Variants in ADRA1A observed in about 807,000 individuals in gnomAD.
ADRA1A encodes the protein adrenoceptor alpha 1A.
ADRA1A carries 31 observed loss-of-function variants against 29.6 expected under a neutral mutation model. The ratio of observed to expected loss-of-function variants is 1.05; its 90% CI spans 0.79 to 1.41. ADRA1A has a LOEUF of 1.41. Ranked by LOEUF, ADRA1A falls within the 40% of genes most tolerant of loss-of-function variation. ADRA1A has a pLI of 0.00. For synonymous variants in ADRA1A, 311 were observed against 254.3 expected, an observed-to-expected ratio of 1.22 and a Z score of -2.12; for missense variants, 619 against 601.1, an observed-to-expected ratio of 1.03 and a Z score of -0.31.
At chr8:26,807,671 C>T (rs1445580651) in intron 2 of ADRA1A, among the ~76,000 whole-genome samples, 4 of 152,066 alleles carry the variant, frequency 2.6e-5, no homozygotes, top group African/African-American at 9.7e-5. Flanking sequence ...TAATGGAAAA[C>T]ATTGGGAAGG....
At chr8:26,824,928 T>G (rs903087621) in intron 2 of ADRA1A, among the ~76,000 whole-genome samples, 2 of 152,230 alleles carry the variant, frequency 1.3e-5, no homozygotes, top group Non-Finnish European at 2.9e-5. Context: ...TGTCTGCCTC[T>G]TAATCATCTG....
At chr8:26,826,673 G>A (rs1038441876) in intron 2 of ADRA1A, among the ~76,000 whole-genome samples, 4 of 152,228 alleles carry the variant, frequency 2.6e-5, no homozygotes, top group East Asian at 1.9e-4. Context: ...TCCAGCATGT[G>A]CCACCTTGCT....
At chr8:26,812,743 C>A (rs951034880) in intron 2 of ADRA1A, among the ~76,000 whole-genome samples, 1 of 151,868 alleles carries the variant, frequency 6.6e-6, no homozygotes, top group East Asian at 1.9e-4. Flanking sequence ...CGGCTCACTG[C>A]AAGCTCCGCC....
At chr8:26,800,015 G>GT (rs1470371750) in intron 2 of ADRA1A, among the ~76,000 whole-genome samples, 1 of 152,024 alleles carries the variant, frequency 6.6e-6, no homozygotes, top group Non-Finnish European at 1.5e-5. Flanking sequence ...TCCCAGCACT[G>GT]TGGGAGGCTG....
At chr8:26,753,310 A>G (rs1041653915), downstream of ADRA1A, among the ~76,000 whole-genome samples, 3 of 151,962 alleles carry the variant, frequency 2.0e-5, no homozygotes, top group Non-Finnish European at 4.4e-5. Flanking sequence ...GACTTCTAAT[A>G]CCACCTTCCC....
intron 2 of ADRA1A, among the ~76,000 whole-genome samples, chr8:26,827,238 A>G (rs1810641157): frequency 6.6e-6 from 1 of 152,264 alleles, no homozygotes; most frequent in African/African-American, 2.4e-5. Context: ...AGATGATAAC[A>G]TAGCTATAAT....
At chr8:26,788,506 G>A (rs1260114153) in intron 2 of ADRA1A, among the ~76,000 whole-genome samples, 1 of 152,120 alleles carries the variant, frequency 6.6e-6, no homozygotes, top group Admixed American at 6.5e-5. Context: ...CACCATGAGG[G>A]TGATGATGGT....
At chr8:26,822,491 T>C (rs937485688) in intron 2 of ADRA1A, among the ~76,000 whole-genome samples, 2 of 152,242 alleles carry the variant, frequency 1.3e-5, no homozygotes, top group African/African-American at 2.4e-5. Flanking sequence ...TAGTGGCTAC[T>C]ATATCAGACA....
At chr8:26,783,907 T>C (rs559964531) in intron 2 of ADRA1A, among the ~76,000 whole-genome samples, 1 of 152,270 alleles carries the variant, frequency 6.6e-6, no homozygotes, top group African/African-American at 2.4e-5. Flanking sequence ...GAACCTGTTA[T>C]CATCAGCAAA....
Position 26,815,209 on chromosome 8 carries a change from A to T in ADRA1A, c.884-44543T>A, listed in dbSNP as rs1563274574. Among the ~76,000 whole-genome samples the T allele has an allele frequency of 6.6e-6, 1 of 152,244 alleles. No individual in the cohort carries two copies. Among genetic ancestry groups the T allele is most frequent in the Non-Finnish European group, 1.5e-5 (1 of 68,040 alleles). Reference sequence around the variant, plus strand: ...AAACTATAATAGGATAACAGTCTTAAATAGATACTTGAAATCACATGCAGA... The same window carrying T: ...AAACTATAATAGGATAACAGTCTTATATAGATACTTGAAATCACATGCAGA... On this transcript the variant is annotated intron_variant, in intron 2 of 2. Transcript: ENST00000380573. The surrounding 1 kb of genome is among the most constrained non-coding windows in gnomAD (Gnocchi z 4.2).
chr8:26,783,292 G>T (rs967987007), intron 2 of ADRA1A, among the ~76,000 whole-genome samples: 1 of 152,138 alleles, frequency 6.6e-6, no homozygotes, highest in South Asian at 2.1e-4. Flanking sequence ...TAATCCAAGT[G>T]CCCACCCAGA....
chr8:26,784,367 G>C (rs1284028010), intron 2 of ADRA1A, among the ~76,000 whole-genome samples: 1 of 152,180 alleles, frequency 6.6e-6, no homozygotes, highest in Admixed American at 6.5e-5. Context: ...CCAATTAGGT[G>C]ATTAATTCAG....
chr8:26,758,181 T>C (rs183866753), intron 2 of ADRA1A, among the ~76,000 whole-genome samples: 2 of 152,330 alleles, frequency 1.3e-5, no homozygotes, highest in South Asian at 2.1e-4. Flanking sequence ...GCCTAGCACC[T>C]TGAATGTAGG....
At chr8:26,858,818 G>T (rs976252652) in intron 2 of ADRA1A, among the ~76,000 whole-genome samples, 3 of 152,162 alleles carry the variant, frequency 2.0e-5, no homozygotes, top group Non-Finnish European at 4.4e-5. Context: ...TCCCTTGAAG[G>T]CATTCTGAAT....
rs1810503065 is a variant in ADRA1A, at chr8:26,825,650, C to T, written c.883+38437G>A. Among the ~76,000 whole-genome samples the T allele has an allele frequency of 6.6e-6, 1 of 152,216 alleles. No homozygotes were observed. Among genetic ancestry groups the T allele is most frequent in the Admixed American group, 6.5e-5 (1 of 15,284 alleles). On this transcript the variant is annotated intron_variant, in intron 2 of 2. Coordinates refer to ENST00000380573, the MANE Select transcript of ADRA1A (RefSeq NM_000680.4). The surrounding 1 kb of genome is among the most constrained non-coding windows in gnomAD (Gnocchi z 5.7). ...TCTTTTTCAACTATGTCAGCCTTCA[C>T]AGAGCAACTGTCATTCTTTAGGAAA...
intron 2 of ADRA1A, among the ~76,000 whole-genome samples, chr8:26,814,369 G>A (rs1336696332): frequency 2.6e-5 from 4 of 152,118 alleles, no homozygotes; most frequent in Non-Finnish European, 5.9e-5. Flanking sequence ...TCAGCCTCCT[G>A]AGTAGTAGGG....
At position 26,768,900 on chromosome 8, in the gene ADRA1A, T is replaced by G; in HGVS notation, c.*1249A>C. The G allele has an allele frequency of 1.0e-6, 1 of 985,432 alleles. No homozygotes were observed. Among genetic ancestry groups the G allele is most frequent in the African/African-American group, 1.7e-5 (1 of 57,360 alleles). 61.0% of individuals were successfully genotyped at this position (985,432 alleles called of 1,614,324 possible). A position where few individuals can be genotyped will look rare whatever the true frequency, so the allele number is the denominator to read the frequency against. On this transcript the variant is annotated 3_prime_UTR_variant, in exon 3 of 3. Coordinates refer to ENST00000380573, the MANE Select transcript of ADRA1A (RefSeq NM_000680.4). ...GCTCTTGCAGAAAAGTAGGAATAGA[T>G]GAAGTTGAGTTGACTACTGGATCTT...
Position 26,867,227 on chromosome 8 carries a change from C to T in ADRA1A, c.-978G>A. 1.0e-6 allele frequency: 1 copy of T among 985,382 alleles called. No homozygotes were observed. The highest frequency in any genetic ancestry group is 1.1e-4 in the East Asian group (1 of 8,806). The allele number at this position is 985,382 out of a possible 1,614,324, so 61.0% of individuals were successfully genotyped here. ...ATCACCCTTTTAATATTCAGCTCCCCGACACCAGAAAAGAATAGCAAGGAA... is the reference window on the plus strand; with the variant it reads ...ATCACCCTTTTAATATTCAGCTCCCTGACACCAGAAAAGAATAGCAAGGAA... On this transcript the variant is annotated 5_prime_UTR_variant, in exon 1 of 3. Coordinates refer to ENST00000380573, the MANE Select transcript of ADRA1A (RefSeq NM_000680.4).
chr8:26,783,937 C>A (rs181475098), intron 2 of ADRA1A, among the ~76,000 whole-genome samples: 2 of 152,138 alleles, frequency 1.3e-5, no homozygotes, highest in African/African-American at 4.8e-5. Context: ...GAACAGAAAA[C>A]CAGACACCAC....
Sources: gnomAD v4.1 joint callset for allele counts (sites outside exome capture counted in the v4.1 genomes callset) on GRCh38, gnomAD v4.1.1 for gene constraint, Gnocchi (gnomAD v3.1) non-coding constraint, MANE v1.5 for transcripts, NCBI Gene and HGNC (gene_info 2026-07-23, HGNC 2026-07-21) for gene names.